The following MBD5 variants were observed in gnomAD, a reference collection of about 807,000 sequenced individuals.
MBD5 encodes methyl-CpG-binding domain protein 5.
MBD5 carries 13 observed loss-of-function variants against 117.3 expected under a neutral mutation model. The ratio of observed to expected loss-of-function variants is 0.11; its 90% CI spans 0.07 to 0.18. The LOEUF is 0.18. MBD5 is among the 10% of genes least tolerant of loss of function. The pLI is 1.00. For missense variants in MBD5, 1,879 were observed against 2,093.8 expected, an observed-to-expected ratio of 0.90 and a Z score of 2.00; for synonymous variants, 727 against 766.4, an observed-to-expected ratio of 0.95 and a Z score of 0.85.
At chr2:148,029,830 A>T (rs1402795249) in intron 1 of MBD5, among the ~76,000 whole-genome samples, 1 of 152,132 alleles carries the variant, frequency 6.6e-6, no homozygotes, top group Non-Finnish European at 1.5e-5. Context: ...TGTACATGTA[A>T]TTTTTATTGA....
intron 3 of MBD5, among the ~76,000 whole-genome samples, chr2:148,312,100 C>A (rs973741582): frequency 1.3e-5 from 2 of 152,142 alleles, no homozygotes; most frequent in African/African-American, 4.8e-5. Flanking sequence ...TTCATTTCAA[C>A]CTTGGTGAAT....
chr2:148,090,529 T>A (rs1326521313), intron 1 of MBD5, among the ~76,000 whole-genome samples: 1 of 152,140 alleles, frequency 6.6e-6, no homozygotes, highest in Non-Finnish European at 1.5e-5. Context: ...GATGCAGGGA[T>A]GGTTTAACAT....
At chr2:148,215,540 C>T (rs188222946) in intron 2 of MBD5, among the ~76,000 whole-genome samples, 146 of 151,738 alleles carry the variant, frequency 9.6e-4, no homozygotes, top group African/African-American at 3.1e-3. Context: ...AGGTTGTGGG[C>T]GGGGTTTTTT....
At chr2:148,240,655 TG>T (rs1419087830) in intron 3 of MBD5, among the ~76,000 whole-genome samples, 2 of 152,182 alleles carry the variant, frequency 1.3e-5, no homozygotes, top group Admixed American at 1.3e-4. Flanking sequence ...ATCTTCTTTT[TG>T]GTCATGTCCC....
At chr2:148,327,098 C>T (rs1459632918) in intron 3 of MBD5, among the ~76,000 whole-genome samples, 3 of 151,898 alleles carry the variant, frequency 2.0e-5, no homozygotes, top group African/African-American at 7.3e-5. Flanking sequence ...ACTTATGAAG[C>T]TTAGTTTGGC....
At chr2:148,451,563 A>G (rs1329060302) in intron 4 of MBD5, among the ~76,000 whole-genome samples, 2 of 152,196 alleles carry the variant, frequency 1.3e-5, no homozygotes, top group Non-Finnish European at 2.9e-5. Flanking sequence ...AATTCAGCCA[A>G]TAATGATGGA....
chr2:148,470,266 G>T lies in MBD5; in HGVS notation c.2323G>T (p.Val775Phe). ...NTNFVHSNSP[V>F]PNHHLAGLIN... ...TAACTTTGTTCACAGTAACAGTCCA[G>T]TCCCCAACCACCATCTTGCAGGTTT... Residue 775 changes from valine (V) to phenylalanine (F), a missense_variant, in exon 8 of 14, where the codon GTC becomes TTC. Physicochemically the swap from Val to Phe is conservative, Grantham distance 50. Transcript: ENST00000642680. The T allele has an allele frequency of 6.2e-7, 1 of 1,613,978 alleles. No homozygotes were observed. Among genetic ancestry groups the T allele is most frequent in the Non-Finnish European group, 8.5e-7 (1 of 1,179,918 alleles).
intron 1 of MBD5, among the ~76,000 whole-genome samples, chr2:148,094,866 A>T (rs1696026934): frequency 6.6e-6 from 1 of 152,160 alleles, no homozygotes; most frequent in African/African-American, 2.4e-5. Context: ...CTCAGAGAGT[A>T]AGATAAGTGA....
intron 4 of MBD5, chr2:148,346,667 G>C (rs1703130883): frequency 6.6e-6 from 1 of 151,500 alleles, no homozygotes; most frequent in Admixed American, 6.6e-5. Context: ...TCTTGTGGAG[G>C]GGTCTTTGAA....
intron 4 of MBD5, among the ~76,000 whole-genome samples, chr2:148,362,391 T>C (rs1382824953): frequency 2.0e-5 from 3 of 152,066 alleles, no homozygotes; most frequent in Admixed American, 6.6e-5. Context: ...TGGGCGGAGA[T>C]CACTGCAGCT....
chr2:148,398,627 C>A (rs988980808), intron 4 of MBD5, among the ~76,000 whole-genome samples: 25 of 152,214 alleles, frequency 1.6e-4, no homozygotes, highest in African/African-American at 5.1e-4. Context: ...ATGGTAGTTT[C>A]TTTTGCTGTG....
intron 2 of MBD5, among the ~76,000 whole-genome samples, chr2:148,206,880 G>A (rs4246606): frequency 0.6 from 90,998 of 151,526 alleles, 29,881 homozygotes; most frequent in East Asian, 0.8. Flanking sequence ...AAATAGCATG[G>A]CATCAATAAT....
intron 1 of MBD5, among the ~76,000 whole-genome samples, chr2:148,145,569 G>A (rs13029714): frequency 0.31 from 46,766 of 151,946 alleles, 8,317 homozygotes; most frequent in East Asian, 0.46. Context: ...CATTCAGTAC[G>A]ATATTGGCTG....
chr2:148,349,967 A>G (rs2105223965), intron 4 of MBD5, among the ~76,000 whole-genome samples: 1 of 152,118 alleles, frequency 6.6e-6, no homozygotes, highest in South Asian at 2.1e-4. Context: ...AAAGCCTACC[A>G]AGGCTTTTGT....
At position 148,387,578 on chromosome 2, in the gene MBD5, T is replaced by G. The variant is rs532715469; in HGVS notation, c.-557+45242T>G. Among the ~76,000 whole-genome samples the G allele has an allele frequency of 9.5e-4, 144 of 151,870 alleles. 1 individual carries two copies. The highest frequency in any genetic ancestry group is 1.9e-3 in the Non-Finnish European group (130 of 67,954). On this transcript the variant is annotated intron_variant, in intron 4 of 13. Transcript: ENST00000642680. ...AGTATAAGCATTAAAAAGAAAGAAATAAAACTGCCTTCATTTGTCTGAAGG... is the reference window on the plus strand; with the variant it reads ...AGTATAAGCATTAAAAAGAAAGAAAGAAAACTGCCTTCATTTGTCTGAAGG...
chr2:148,236,781 T>C (rs1411105911), intron 3 of MBD5, among the ~76,000 whole-genome samples: 5 of 152,204 alleles, frequency 3.3e-5, no homozygotes, highest in African/African-American at 4.8e-5. Context: ...AGCTTTGAAG[T>C]GGGACATTGA....
rs1348732689 is a variant in MBD5 at position 148,490,130 on chromosome 2, A to G, written c.4498A>G (p.Asn1500Asp). 1 of 1,613,972 alleles carries G rather than the reference A, an allele frequency of 6.2e-7. No individual in the cohort carries two copies. The highest frequency in any genetic ancestry group is 8.5e-7 in the Non-Finnish European group (1 of 1,180,024). Residue 1500 changes from asparagine (N) to aspartate (D), a missense_variant, in exon 11 of 14, where the codon AAT becomes GAT. Transcript: ENST00000642680. ...AATTCTAGAGGAAAATTTCAGGTAT[A>G]ATAACTACAAAAGAACTATGATGAG... Reference protein sequence around the residue: ...DKILEENFRYNNYKRTMMSFK... With the variant: ...DKILEENFRYDNYKRTMMSFK...
intron 8 of MBD5, among the ~76,000 whole-genome samples, chr2:148,473,808 T>A (rs1437006328): frequency 2.0e-5 from 3 of 152,224 alleles, no homozygotes; most frequent in Non-Finnish European, 4.4e-5. Context: ...TACAAGGCTT[T>A]ATTAATTCTA....
chr2:148,169,203 T>G (rs1371612619), intron 1 of MBD5, among the ~76,000 whole-genome samples: 1 of 152,124 alleles, frequency 6.6e-6, no homozygotes, highest in Non-Finnish European at 1.5e-5. Context: ...TCATGTTCAC[T>G]TGATCTTAAT....
Sources: allele counts gnomAD v4.1 joint callset (sites outside exome capture counted in the v4.1 genomes callset), GRCh38; gene constraint gnomAD v4.1.1; transcripts MANE v1.5; gene names NCBI Gene and HGNC (gene_info 2026-07-23, HGNC 2026-07-21).